Variants in TMEM181 observed in about 807,000 individuals in gnomAD.
TMEM181 encodes transmembrane protein 181, also known as G protein-coupled receptor 178.
Under a neutral mutation model 71.9 loss-of-function variants are expected in TMEM181, and 39 were observed. The ratio of observed to expected loss-of-function variants is 0.54; its 90% CI spans 0.42 to 0.71. The LOEUF (loss-of-function observed/expected upper bound fraction) is 0.71, where lower values mean the gene tolerates loss of function less well. Among genes scored for constraint, TMEM181 ranks in the 30% least tolerant of loss-of-function variants. The probability of loss-of-function intolerance (pLI) is 0.00; values close to 1 mark genes in which losing one functional copy is unlikely to be tolerated. For missense variants in TMEM181, 595 were observed against 583.0 expected (o/e 1.02, Z -0.21); for synonymous variants, 245 against 228.8 (o/e 1.07, Z -0.64).
chr6:158,559,213 C>T (rs775155772), upstream of TMEM181, among the ~76,000 whole-genome samples: 67 of 152,132 alleles, frequency 4.4e-4, 1 homozygote, highest in Non-Finnish European at 2.9e-4. Context: ...GTTAGGCACC[C>T]TTCCTCACTG....
In TMEM181 at chr6:158,634,827, G is replaced by A. The variant is rs773348278; in HGVS notation, c.*2939G>A. On this transcript the variant is annotated 3_prime_UTR_variant, in exon 17 of 17. Transcript: ENST00000684151. ...AGTATTTTATGAACTATTTACTGAG[G>A]GTAGTTATGTTAAATAGATTATAAT... 6.6e-6 allele frequency: 1 copy of A among 152,050 alleles called. No homozygotes were observed. Among genetic ancestry groups the A allele is most frequent in the Non-Finnish European group, 1.5e-5 (1 of 68,012 alleles). The allele number at this position is 152,050 out of a possible 1,614,324, so 9.4% of individuals were successfully genotyped here. A position where few individuals can be genotyped will look rare whatever the true frequency, so the allele number is the denominator to read the frequency against.
chr6:158,577,743 C>T (rs1206043187), intron 2 of TMEM181, among the ~76,000 whole-genome samples: 1 of 152,142 alleles, frequency 6.6e-6, no homozygotes. Context: ...GCAGATACCT[C>T]ATCAGAAACT....
chr6:158,595,095 C>T (rs546051793), intron 6 of TMEM181, among the ~76,000 whole-genome samples: 1 of 152,288 alleles, frequency 6.6e-6, no homozygotes, highest in Non-Finnish European at 1.5e-5. Flanking sequence ...GCATTTTTCT[C>T]TTGGTACTGG....
intron 6 of TMEM181, among the ~76,000 whole-genome samples, chr6:158,603,478 C>T (rs1043316299): frequency 3.3e-5 from 5 of 152,146 alleles, no homozygotes; most frequent in South Asian, 4.1e-4. Flanking sequence ...CTGTATGGCC[C>T]GGTTGCTGAC....
chr6:158,601,604 C>G (rs960963113), intron 6 of TMEM181, among the ~76,000 whole-genome samples: 1 of 151,892 alleles, frequency 6.6e-6, no homozygotes, highest in East Asian at 1.9e-4. Flanking sequence ...ACTAAAAATA[C>G]AAAAATTAGC....
chr6:158,583,207 TGGGTGACA>T (rs1783575691), intron 3 of TMEM181, among the ~76,000 whole-genome samples: 1 of 152,200 alleles, frequency 6.6e-6, no homozygotes, highest in African/African-American at 2.4e-5. Flanking sequence ...CTCTCCAGCC[TGGGTGACA>T]GAGCTAGACT....
At chr6:158,574,783 CCTGT>C (rs1377842574) in intron 2 of TMEM181, among the ~76,000 whole-genome samples, 9 of 152,158 alleles carry the variant, frequency 5.9e-5, no homozygotes, top group Non-Finnish European at 8.8e-5. Context: ...GTCTGTCCTG[CCTGT>C]CTGTCTATTA....
At chr6:158,579,884 CAG>C (rs1270646122) in intron 2 of TMEM181, among the ~76,000 whole-genome samples, 3 of 152,078 alleles carry the variant, frequency 2.0e-5, no homozygotes, top group Non-Finnish European at 4.4e-5. Flanking sequence ...ATCATCAAGA[CAG>C]AAAGTAGAGT....
intron 8 of TMEM181, 118 bp from the exon 9 acceptor site, chr6:158,608,215 C>G (rs1194462452): frequency 2.8e-6 from 2 of 723,204 alleles, no homozygotes; most frequent in Non-Finnish European, 3.7e-6. Context: ...CAGGTGCTGA[C>G]CCCGCAGAGG....
intron 1 of TMEM181, among the ~76,000 whole-genome samples, chr6:158,543,293 C>G (rs980423499): frequency 1.3e-5 from 2 of 152,208 alleles, no homozygotes; most frequent in Non-Finnish European, 2.9e-5. Context: ...GGTCATCATC[C>G]GGCTGGAAGG....
At chr6:158,551,995 A>T (rs1346837875) in intron 1 of TMEM181, among the ~76,000 whole-genome samples, 4 of 152,240 alleles carry the variant, frequency 2.6e-5, no homozygotes, top group African/African-American at 9.6e-5. Flanking sequence ...GGCCTGCCAA[A>T]GATGTCAAAA....
intron 10 of TMEM181, among the ~76,000 whole-genome samples, chr6:158,619,867 CAAAA>C (rs61626531): frequency 8.9e-5 from 6 of 67,740 alleles, no homozygotes; most frequent in Admixed American, 1.6e-4. Flanking sequence ...GACTCCGTCT[CAAAA>C]AAAAAAAAAA....
Position 158,583,979 on chromosome 6 carries a change from A to G in TMEM181, c.194A>G (p.Asn65Ser). Residue 65 changes from asparagine (N) to serine (S), a missense_variant, in exon 4 of 17, where the codon AAT becomes AGT. Asn to Ser is a conservative substitution (Grantham distance 46, BLOSUM62 1). Coordinates refer to ENST00000684151, the MANE Select transcript of TMEM181 (RefSeq NM_001376852.1). ...KKLKPIQILS[N>S]PLSTYNQQLW... ...CTAAAGCCAATTCAAATACTTTCAA[A>G]TCCACTGTCTACATACAATCAGCAA... 6.2e-7 allele frequency: 1 copy of G among 1,609,110 alleles called. No individual in the cohort carries two copies. The highest frequency in any genetic ancestry group is 1.1e-5 in the South Asian group (1 of 89,648).
intron 10 of TMEM181, chr6:158,610,552 G>C (rs1785236704): frequency 2.3e-6 from 1 of 442,554 alleles, no homozygotes; most frequent in African/African-American, 2.1e-5. Context: ...AGCTGGATGT[G>C]TGTCCTCCAC....
chr6:158,542,185 G>A (rs1582911527), intron 1 of TMEM181, among the ~76,000 whole-genome samples: 1 of 152,146 alleles, frequency 6.6e-6, no homozygotes, highest in Non-Finnish European at 1.5e-5. Context: ...GGGATTACAA[G>A]TGTGAGCCAC....
intron 6 of TMEM181, among the ~76,000 whole-genome samples, chr6:158,604,678 C>T (rs1784848674): frequency 6.6e-6 from 1 of 152,196 alleles, no homozygotes; most frequent in South Asian, 2.1e-4. Flanking sequence ...TTTACTTAAA[C>T]TTTGTAACAA....
chr6:158,613,988 C>T (rs1785473071), intron 10 of TMEM181, among the ~76,000 whole-genome samples: 1 of 152,120 alleles, frequency 6.6e-6, no homozygotes, highest in South Asian at 2.1e-4. Context: ...TACAGTAACC[C>T]AACATAACCT....
At chr6:158,586,276 G>C (rs1453680426) in intron 5 of TMEM181, among the ~76,000 whole-genome samples, 1 of 152,202 alleles carries the variant, frequency 6.6e-6, no homozygotes, top group Non-Finnish European at 1.5e-5. Flanking sequence ...AGGCACAACA[G>C]GTTACTGGCA....
chr6:158,632,233 A>AT lies in TMEM181; in HGVS notation c.*345_*346insT. On this transcript the variant is annotated 3_prime_UTR_variant, in exon 17 of 17. Transcript: ENST00000684151. ...TTCCTGTAATCATTCACTGATTCCAAGTTCACGGGCAGCCTGTGACTAGGT... is the reference window on the plus strand; with the variant it reads ...TTCCTGTAATCATTCACTGATTCCAATGTTCACGGGCAGCCTGTGACTAGGT... 1 of 257,720 alleles carries AT rather than the reference A, an allele frequency of 3.9e-6. No homozygotes were observed. Among genetic ancestry groups the AT allele is most frequent in the Non-Finnish European group, 7.7e-6 (1 of 129,342 alleles). 16.0% of individuals were successfully genotyped at this position (257,720 alleles called of 1,614,324 possible). A position where few individuals can be genotyped will look rare whatever the true frequency, so the allele number is the denominator to read the frequency against.
Sources: gnomAD v4.1 joint callset for allele counts (sites outside exome capture counted in the v4.1 genomes callset) on GRCh38, gnomAD v4.1.1 for gene constraint, MANE v1.5 for transcripts, NCBI Gene and HGNC (gene_info 2026-07-23, HGNC 2026-07-21) for gene names.